The following FSHR variants were observed in gnomAD, a reference collection of about 807,000 sequenced individuals.
FSHR encodes follicle stimulating hormone receptor.
Under a neutral mutation model 52.1 loss-of-function variants are expected in FSHR, and 46 were observed. The observed-to-expected ratio is 0.88, with a 90% CI of 0.70 to 1.13. FSHR has a LOEUF of 1.13. Ranked by LOEUF, FSHR falls within the 50% of genes most tolerant of loss-of-function variation. The probability of loss-of-function intolerance (pLI) is 0.00; values close to 1 mark genes in which losing one functional copy is unlikely to be tolerated. For missense variants in FSHR, 964 were observed against 834.6 expected (o/e 1.16, Z -1.91); for synonymous variants, 399 against 309.6 (o/e 1.29, Z -3.03).
chr2:49,078,869 A>G (rs1378887494), intron 1 of FSHR, among the ~76,000 whole-genome samples: 1 of 152,170 alleles, frequency 6.6e-6, no homozygotes, highest in East Asian at 1.9e-4. Flanking sequence ...GGCCTACACA[A>G]TAAGAATAGA....
chr2:49,055,352 A>C (rs576043692), intron 2 of FSHR, among the ~76,000 whole-genome samples: 1 of 151,700 alleles, frequency 6.6e-6, no homozygotes, highest in South Asian at 2.1e-4. Context: ...TAAATAATAA[A>C]AAATAATGAA....
chr2:49,107,849 T>C (rs371465692), intron 1 of FSHR, among the ~76,000 whole-genome samples: 5 of 152,176 alleles, frequency 3.3e-5, no homozygotes, highest in African/African-American at 9.6e-5. Flanking sequence ...ACTCTAATGC[T>C]AGATCTCTTT....
At chr2:49,098,324 T>C (rs981188152) in intron 1 of FSHR, among the ~76,000 whole-genome samples, 60 of 152,120 alleles carry the variant, frequency 3.9e-4, no homozygotes, top group Non-Finnish European at 1.9e-4. Flanking sequence ...ATGATAAATT[T>C]AGTGATAGAG....
Position 48,977,528 on chromosome 2 carries a change from A to G in FSHR, c.668+5384T>C, listed in dbSNP as rs554151204. Among the ~76,000 whole-genome samples the G allele has an allele frequency of 5.3e-5, 8 of 152,244 alleles. 1 individual carries two copies. The East Asian group carries it at 1.5e-3, about 29-fold the overall frequency. On this transcript the variant is annotated intron_variant, in intron 8 of 9. Transcript: ENST00000406846. The stretch of plus-strand genomic sequence containing the variant: ...TGCAGAAATTCAGGCCTAGGATGAC[A>G]GAGGCTGTCTCCTCCCACACTATCA...
chr2:49,017,203 C>T (rs184789657), intron 4 of FSHR, among the ~76,000 whole-genome samples: 19 of 152,306 alleles, frequency 1.2e-4, no homozygotes, highest in Admixed American at 1.2e-3. Context: ...CTCATTAACA[C>T]TAAATTATGA....
chr2:49,145,763 T>C (rs1218683945), intron 1 of FSHR, among the ~76,000 whole-genome samples: 1 of 152,032 alleles, frequency 6.6e-6, no homozygotes, highest in Admixed American at 6.6e-5. Context: ...TTGTTTTCTC[T>C]CCAGTGCCTA....
chr2:49,083,494 A>G (rs1390726664), intron 1 of FSHR, among the ~76,000 whole-genome samples: 2 of 147,316 alleles, frequency 1.4e-5, no homozygotes, highest in Admixed American at 1.4e-4. Context: ...ACACATAACA[A>G]TATTAACTTT....
In FSHR at chr2:49,127,757, C is replaced by CT. The variant is rs1672065348; in HGVS notation, c.152+26508dup. ...GCATGATTTCTTCTTCTTCTTTCTT[C>CT]TTCTTCTTCTTCTTCTTCTTCTTCT... On this transcript the variant is annotated intron_variant, in intron 1 of 9. Coordinates refer to ENST00000406846, the MANE Select transcript of FSHR (RefSeq NM_000145.4). 2.1e-4 allele frequency among the ~76,000 whole-genome samples: 5 copies of CT among 24,160 alleles called. 1 individual carries two copies. The East Asian group carries it at 7.4e-3, about 36-fold the overall frequency. The allele number at this position is 24,160 out of a possible 152,430, so 15.8% of individuals were successfully genotyped here.
intron 2 of FSHR, among the ~76,000 whole-genome samples, chr2:49,024,615 A>C (rs2104236747): frequency 6.6e-6 from 1 of 152,206 alleles, no homozygotes; most frequent in South Asian, 2.1e-4. Flanking sequence ...GAAATCAAAA[A>C]CAGAAACTTC....
chr2:49,147,430 C>A (rs964932592), intron 1 of FSHR, among the ~76,000 whole-genome samples: 15 of 152,112 alleles, frequency 9.9e-5, no homozygotes, highest in Middle Eastern at 3.4e-3. Flanking sequence ...ATGAATTTCC[C>A]ATTTGCTGCC....
intron 8 of FSHR, among the ~76,000 whole-genome samples, chr2:48,974,873 A>G (rs1015975823): frequency 6.6e-6 from 1 of 152,170 alleles, no homozygotes; most frequent in Non-Finnish European, 1.5e-5. Flanking sequence ...ACTCATACAC[A>G]CACAGGTCTA....
rs780174940 is a variant in FSHR, at chr2:48,963,560, C to G, written c.1261G>C (p.Val421Leu). 1.2e-6 allele frequency: 2 copies of G among 1,614,198 alleles called. No individual in the cohort carries two copies. Among genetic ancestry groups the G allele is most frequent in the East Asian group, 2.2e-5 (1 of 44,878 alleles). Residue 421 changes from valine to leucine, a missense_variant, in exon 10 of 10, where the codon GTT becomes CTT. Transcript: ENST00000406846. The stretch of plus-strand genomic sequence containing the variant: ...TATTGGCTCTTGGTATGGATATCAA[C>G]TGATGCAATGAGCAGCAGGTAGATT... ...IGIYLLLIAS[V>L]DIHTKSQYHN... is the part of the protein sequence containing the mutation.
At chr2:49,093,617 C>T (rs62162104) in intron 1 of FSHR, among the ~76,000 whole-genome samples, 19,671 of 133,924 alleles carry the variant, frequency 0.15, 1,440 homozygotes, top group Middle Eastern at 0.25. Flanking sequence ...TTTTTTGAGA[C>T]GGAGTCTTGC....
Position 49,132,338 on chromosome 2 carries a change from T to A in FSHR, c.152+21928A>T, listed in dbSNP as rs1367130841. Among the ~76,000 whole-genome samples the A allele has an allele frequency of 2.0e-5, 3 of 152,330 alleles. No homozygotes were observed. The South Asian group carries it at 6.2e-4, about 32-fold the overall frequency. On this transcript the variant is annotated intron_variant, in intron 1 of 9. Coordinates refer to ENST00000406846, the MANE Select transcript of FSHR (RefSeq NM_000145.4). Reference sequence around the variant, plus strand: ...GTAAATACTCAGGGAAAAGGTCATTTTTGTTTCTATCCTGCTCAGAAGAAA... The same window carrying A: ...GTAAATACTCAGGGAAAAGGTCATTATTGTTTCTATCCTGCTCAGAAGAAA...
At chr2:49,033,421 A>ATTT (rs1668171118) in intron 2 of FSHR, among the ~76,000 whole-genome samples, 1 of 152,198 alleles carries the variant, frequency 6.6e-6, no homozygotes, top group Non-Finnish European at 1.5e-5. Context: ...TTCTTCTAGC[A>ATTT]CCTAAATGCT....
chr2:48,978,758 C>A (rs1478574119), intron 8 of FSHR, among the ~76,000 whole-genome samples: 1 of 152,136 alleles, frequency 6.6e-6, no homozygotes, highest in Admixed American at 6.5e-5. Context: ...GTTTGTATGC[C>A]CCTGGCTTTC....
At position 48,962,762 on chromosome 2, in the gene FSHR, C is replaced by T. The variant is rs2103989090; in HGVS notation, c.2059G>A (p.Val687Ile). 1 of 1,613,936 alleles carries T rather than the reference C, an allele frequency of 6.2e-7. No individual in the cohort carries two copies. The highest frequency in any genetic ancestry group is 1.3e-5 in the African/African-American group (1 of 75,014). The change falls in exon 10 of 10, where the codon GTC (valine) becomes ATC (isoleucine). Residue 687 changes from valine (V) to isoleucine (I), a missense_variant. Physicochemically the swap from Val to Ile is conservative, Grantham distance 29. Coordinates refer to ENST00000406846, the MANE Select transcript of FSHR (RefSeq NM_000145.4). Reference protein sequence around the residue: ...RVTSGSTYILVPLSHLAQN With the variant: ...RVTSGSTYILIPLSHLAQN ...TTTTGGGCTAAATGACTTAGAGGGA[C>T]AAGTATGTAAGTGGAACCACTGGTG... is the stretch of plus-strand genomic sequence containing the variant.
chr2:49,111,835 C>T (rs1050994632), intron 1 of FSHR, among the ~76,000 whole-genome samples: 2 of 152,166 alleles, frequency 1.3e-5, no homozygotes, highest in Non-Finnish European at 1.5e-5. Context: ...ATCTTTATCA[C>T]CCCTCAGTAA....
Position 48,983,758 on chromosome 2 carries a change from A to C in FSHR, c.525-592T>G, listed in dbSNP as rs558548110. ...GTGGCTCTGGGTTAAGCCAGAAAGG[A>C]AGAGAAATCAATTACAGAGAATGTG... On this transcript the variant is annotated intron_variant, in intron 6 of 9. Transcript: ENST00000406846. Among the ~76,000 whole-genome samples, 5 of 152,282 alleles carry C rather than the reference A, an allele frequency of 3.3e-5. No homozygotes were observed. The South Asian group carries it at 1.0e-3, about 32-fold the overall frequency.
Sources: gnomAD v4.1 joint callset for allele counts (sites outside exome capture counted in the v4.1 genomes callset) on GRCh38, gnomAD v4.1.1 for gene constraint, MANE v1.5 for transcripts, NCBI Gene and HGNC (gene_info 2026-07-23, HGNC 2026-07-21) for gene names.